NAPA: variants seen among roughly 807,000 people sequenced by gnomAD.
The protein encoded by NAPA is alpha-soluble NSF attachment protein.
Under a neutral mutation model 48.0 loss-of-function variants are expected in NAPA, and 18 were observed. The observed-to-expected ratio is 0.38, with a 90% CI of 0.26 to 0.56. NAPA has a LOEUF of 0.56. Among genes scored for constraint, NAPA ranks in the 20% least tolerant of loss-of-function variants. NAPA has a pLI of 0.77. For missense variants in NAPA, 315 were observed against 385.0 expected, an observed-to-expected ratio of 0.82 and a Z score of 1.52; for synonymous variants, 152 against 149.9, an observed-to-expected ratio of 1.01 and a Z score of -0.10.
chr19:47,492,250 C>A lies in NAPA; in HGVS notation c.562-131G>T, dbSNP rs370638526. 6.1e-4 allele frequency: 462 copies of A among 760,386 alleles called. 2 individuals carry two copies. The African/African-American group carries it at 7.5e-3, about 12-fold the overall frequency. 47.1% of individuals were successfully genotyped at this position (760,386 alleles called of 1,614,324 possible). A position where few individuals can be genotyped will look rare whatever the true frequency, so the allele number is the denominator to read the frequency against. ...AGGTGAGGCCCTGTTAACCCAGGAC[C>A]CCAAGGGCAGGGAGCCAGGGACCAG... On this transcript the variant is annotated intron_variant, in intron 7 of 10. Transcript: ENST00000263354.
chr19:47,493,439 T>C lies in NAPA; in HGVS notation c.397A>G (p.Thr133Ala). The C allele has an allele frequency of 6.2e-7, 1 of 1,613,982 alleles. No individual in the cohort carries two copies. Among genetic ancestry groups the C allele is most frequent in the African/African-American group, 1.3e-5 (1 of 75,010 alleles). Residue 133 changes from threonine to alanine, a missense_variant, in exon 5 of 11, where the codon ACA becomes GCA. By Grantham distance (58) the Thr-to-Ala change is moderately conservative (BLOSUM62 0). Around this residue, in one of 3 missense-constraint regions of NAPA, gnomAD observed 173 missense variants for 213.5 expected, o/e 0.81. Transcript: ENST00000263354. This position sits in a 1 kb window ranked among gnomAD's most constrained non-coding sequence, Gnocchi z 6.4. The stretch of plus-strand genomic sequence containing the variant: ...ACCTTCTCGATGTCCACCAACTCTG[T>C]CTCATAGATCTCAGCAATGGAGATG... The part of the protein sequence containing the change: ...HHISIAEIYE[T>A]ELVDIEKAIA...
intron 2 of NAPA, chr19:47,501,684 C>G (rs1023103126): frequency 7.9e-5 from 12 of 152,246 alleles, no homozygotes; most frequent in Admixed American, 5.9e-4. Flanking sequence ...TCTGTGGGTC[C>G]CAAGCCATTC....
At chr19:47,513,873 A>C (rs1599923218) in intron 1 of NAPA, among the ~76,000 whole-genome samples, 1 of 128,244 alleles carries the variant, frequency 7.8e-6, no homozygotes, top group African/African-American at 3.1e-5. Context: ...TTTTTGAGAC[A>C]GAGTCTCGCT....
At chr19:47,500,328 C>T (rs1014894843) in intron 3 of NAPA, among the ~76,000 whole-genome samples, 1 of 152,176 alleles carries the variant, frequency 6.6e-6, no homozygotes, top group South Asian at 2.1e-4. Flanking sequence ...CCCCGGCAGG[C>T]GGTGGGTCTG....
Position 47,490,774 on chromosome 19 carries a change from C to CA in NAPA, c.735+13dup, listed in dbSNP as rs1568463294. 1 of 1,612,066 alleles carries CA rather than the reference C, an allele frequency of 6.2e-7. No homozygotes were observed. The highest frequency in any genetic ancestry group is 8.5e-7 in the Non-Finnish European group (1 of 1,179,136). ...AGGTTCGGGAAGGGGGAGGCCGGAGCACCCAGCACTTACTTTCATCAACTT... is the reference window on the plus strand; with the variant it reads ...AGGTTCGGGAAGGGGGAGGCCGGAGCAACCCAGCACTTACTTTCATCAACTT... On this transcript the variant is annotated intron_variant, in intron 9 of 10. Coordinates refer to ENST00000263354, the MANE Select transcript of NAPA (RefSeq NM_003827.4).
intron 4 of NAPA, chr19:47,494,937 T>A (rs1330651670): frequency 6.5e-6 from 1 of 153,250 alleles, no homozygotes; most frequent in Admixed American, 6.5e-5. Context: ...AAGATGCTTA[T>A]CAAATGTGAC....
At position 47,492,012 on chromosome 19, in the gene NAPA, T is replaced by C; in HGVS notation, c.666+3A>G. 1 of 1,613,458 alleles carries C rather than the reference T, an allele frequency of 6.2e-7. No individual in the cohort carries two copies. The highest frequency in any genetic ancestry group is 1.1e-5 in the South Asian group (1 of 91,034). On this transcript the variant is annotated splice_donor_region_variant and intron_variant, in intron 8 of 10. Coordinates refer to ENST00000263354, the MANE Select transcript of NAPA (RefSeq NM_003827.4). ...GTGGTCCTGCGGGCGTGGGGTGTGC[T>C]ACCTTGGCGTTGAGCATGTCGATGC...
intron 2 of NAPA, among the ~76,000 whole-genome samples, chr19:47,501,975 GCTCATGC>G (rs1968587417): frequency 6.6e-6 from 1 of 152,098 alleles, no homozygotes; most frequent in Non-Finnish European, 1.5e-5. Context: ...AGGCGCGGTG[GCTCATGC>G]CTGTAATCCC....
At chr19:47,505,428 G>T (rs1968674344) in intron 1 of NAPA, 1 of 152,298 alleles carries the variant, frequency 6.6e-6, no homozygotes, top group Non-Finnish European at 1.5e-5. Flanking sequence ...TCTGCACTGC[G>T]GATTCAGTGT....
chr19:47,509,349 T>TAAAATAAAATAAAATAAAAA (rs869068004), intron 1 of NAPA, among the ~76,000 whole-genome samples: 2 of 92,156 alleles, frequency 2.2e-5, no homozygotes, highest in African/African-American at 8.8e-5. Context: ...TAAAATAAAA[T>TAAAATAAAATAAAATAAAAA]AAATAAAATA....
At chr19:47,494,216 T>C (rs1209236407) in intron 4 of NAPA, among the ~76,000 whole-genome samples, 1 of 152,210 alleles carries the variant, frequency 6.6e-6, no homozygotes, top group African/African-American at 2.4e-5. Flanking sequence ...GGGCAAATCA[T>C]GTCACTTGTC....
intron 2 of NAPA, among the ~76,000 whole-genome samples, chr19:47,503,169 T>C (rs1968617418): frequency 6.6e-6 from 1 of 152,232 alleles, no homozygotes; most frequent in South Asian, 2.1e-4. Context: ...AGCTCATCAA[T>C]CCACATGGGT....
chr19:47,510,148 C>A (rs141722079), intron 1 of NAPA, among the ~76,000 whole-genome samples: 16 of 152,332 alleles, frequency 1.1e-4, no homozygotes, highest in African/African-American at 3.8e-4. Flanking sequence ...AGGGTGCCCA[C>A]TGGAAATGGC....
chr19:47,505,119 T>C (rs187175874), intron 1 of NAPA, among the ~76,000 whole-genome samples: 1 of 152,294 alleles, frequency 6.6e-6, no homozygotes, highest in East Asian at 1.9e-4. Flanking sequence ...GTCTGTAGTC[T>C]CTGTAACTGC....
intron 4 of NAPA, chr19:47,495,227 C>A (rs900177082): frequency 5.1e-6 from 2 of 389,428 alleles, no homozygotes; most frequent in Non-Finnish European, 9.4e-6. Context: ...CTCCTGTGCC[C>A]AAAAGATCCT....
intron 1 of NAPA, among the ~76,000 whole-genome samples, chr19:47,504,407 A>C (rs1968650466): frequency 6.6e-6 from 1 of 151,464 alleles, no homozygotes; most frequent in Non-Finnish European, 1.5e-5. Flanking sequence ...CAAAAAAAAA[A>C]AAAAAAAAAA....
rs1282522955 is a variant in NAPA, at chr19:47,488,112, C to T, written c.*176G>A. 4.9e-5 allele frequency: 29 copies of T among 587,228 alleles called. No homozygotes were observed. Among genetic ancestry groups the T allele is most frequent in the Non-Finnish European group, 7.3e-5 (24 of 327,920 alleles). The allele number at this position is 587,228 out of a possible 1,614,324, so 36.4% of individuals were successfully genotyped here. On this transcript the variant is annotated 3_prime_UTR_variant, in exon 11 of 11. Coordinates refer to ENST00000263354, the MANE Select transcript of NAPA (RefSeq NM_003827.4). ...GTAGCGAGAACAGAGGGTGACTGTCCGGCCAGCAGCCTGGGCCTCTGGCGC... is the reference window on the plus strand; with the variant it reads ...GTAGCGAGAACAGAGGGTGACTGTCTGGCCAGCAGCCTGGGCCTCTGGCGC...
intron 1 of NAPA, among the ~76,000 whole-genome samples, chr19:47,512,409 A>AT (rs1968822289): frequency 6.6e-6 from 1 of 152,122 alleles, no homozygotes; most frequent in African/African-American, 2.4e-5. Flanking sequence ...GACATCATCG[A>AT]GCCCCTCCTT....
At chr19:47,503,532 C>G (rs369487040) in intron 1 of NAPA, 30 bp from the exon 2 acceptor site, 536 of 1,600,544 alleles carry the variant, frequency 3.3e-4, no homozygotes, top group Non-Finnish European at 3.5e-4. Context: ...AAAAAGGAGA[C>G]AATCTAGTCG....
Sources: allele counts gnomAD v4.1 joint callset (sites outside exome capture counted in the v4.1 genomes callset), GRCh38; gene constraint gnomAD v4.1.1; regional missense constraint gnomAD v4.1.1; non-coding constraint Gnocchi (gnomAD v3.1); transcripts MANE v1.5; gene names NCBI Gene and HGNC (gene_info 2026-07-23, HGNC 2026-07-21).